NAPG: variants seen among roughly 807,000 people sequenced by gnomAD.
NAPG encodes NSF attachment protein gamma.
In NAPG, 25 loss-of-function variants were observed where a neutral mutation model predicts 48.4. The observed-to-expected ratio is 0.52, with a 90% CI of 0.38 to 0.72. The LOEUF is 0.72. Among genes scored for constraint, NAPG ranks in the 30% least tolerant of loss-of-function variants. The pLI is 0.00. For synonymous variants in NAPG, 139 were observed against 127.2 expected, an observed-to-expected ratio of 1.09 and a Z score of -0.62; for missense variants, 359 against 372.5, an observed-to-expected ratio of 0.96 and a Z score of 0.30.
At chr18:10,530,690 C>A in intron 1 of NAPG, 80 bp from the exon 2 acceptor site, 49 of 717,388 alleles carry the variant, frequency 6.8e-5, no homozygotes, top group South Asian at 1.1e-4. Flanking sequence ...TTTTTAAAGA[C>A]CTAGAAGGTC....
chr18:10,532,794 G>C lies in NAPG; in HGVS notation c.208G>C (p.Ala70Pro). The change falls in exon 3 of 12, where the codon GCT becomes CCT. Residue 70 changes from alanine to proline, a missense_variant and splice_region_variant. Physicochemically the swap from Ala to Pro is conservative, Grantham distance 27 (BLOSUM62 -1). Transcript: ENST00000322897. ...AGCTGTTGCCCATGAAAATAATAGG[G>C]CGTATCTTTTTCAACTTTTAAAAAG... ...REAVAHENNRALFHAAKAYEQ... is the reference protein window; with the variant it reads ...REAVAHENNRPLFHAAKAYEQ... The C allele has an allele frequency of 1.3e-6, 2 of 1,556,898 alleles. No homozygotes were observed. Among genetic ancestry groups the C allele is most frequent in the East Asian group, 4.7e-5 (2 of 42,832 alleles).
In NAPG at chr18:10,539,419, A is replaced by G. The variant is rs181969659; in HGVS notation, c.259-343A>G. ...AAACTAACAAACACAGGAACAGAAA[A>G]CCAAACACCGCATGTTCTCACTCAT... On this transcript the variant is annotated intron_variant, in intron 5 of 11. Coordinates refer to ENST00000322897, the MANE Select transcript of NAPG (RefSeq NM_003826.3). The surrounding 1 kb of genome is among the most constrained non-coding windows in gnomAD (Gnocchi z 4.7). 4.9e-6 allele frequency: 1 copy of G among 204,786 alleles called. No homozygotes were observed. The highest frequency in any genetic ancestry group is 1.2e-4 in the East Asian group (1 of 8,024). The allele number at this position is 204,786 out of a possible 1,614,324, so 12.7% of individuals were successfully genotyped here. A position where few individuals can be genotyped will look rare whatever the true frequency, so the allele number is the denominator to read the frequency against.
intron 1 of NAPG, chr18:10,526,588 A>G (rs2031817075): frequency 5.6e-6 from 1 of 179,598 alleles, no homozygotes; most frequent in Non-Finnish European, 1.2e-5. Flanking sequence ...TCATCTGGGG[A>G]ACAACATCGC....
chr18:10,545,948 G>A (rs632245), intron 8 of NAPG, among the ~76,000 whole-genome samples: 49,341 of 152,084 alleles, frequency 0.32, 8,132 homozygotes, highest in East Asian at 0.39. Context: ...TGCCTTGGGT[G>A]TCTGGATGTT....
chr18:10,539,618 A>G lies in NAPG; in HGVS notation c.259-144A>G, dbSNP rs1319752822. ...TAGGTATAGCAAACCACCATGGGAC[A>G]TGTATACCTATGTAACAAACCTGCA... On this transcript the variant is annotated intron_variant, in intron 5 of 11. Coordinates refer to ENST00000322897, the MANE Select transcript of NAPG (RefSeq NM_003826.3). This position sits in a 1 kb window ranked among gnomAD's most constrained non-coding sequence, Gnocchi z 4.7. 4.5e-6 allele frequency: 3 copies of G among 666,002 alleles called. No individual in the cohort carries two copies. The African/African-American group carries it at 5.4e-5, about 12-fold the overall frequency. The allele number at this position is 666,002 out of a possible 1,614,324, so 41.3% of individuals were successfully genotyped here. A position where few individuals can be genotyped will look rare whatever the true frequency, so the allele number is the denominator to read the frequency against.
intron 5 of NAPG, among the ~76,000 whole-genome samples, chr18:10,538,754 A>T (rs141081231): frequency 8.5e-5 from 13 of 152,308 alleles, no homozygotes; most frequent in Non-Finnish European, 1.6e-4. Context: ...TTATTGCTAT[A>T]CAATGTATTT....
chr18:10,549,084 C>T lies in NAPG; in HGVS notation c.783C>T (p.Tyr261=). ...TCTGCAACTCACCGCTTTTCAAGTA[C>T]ATGGACAATGATGTAAGTGGACCCA... ...SDVCNSPLFK[Y]MDNDYAKLGL... is the part of the protein sequence containing the mutation. Residue 261 remains tyrosine, a synonymous_variant, in exon 11 of 12, where the codon TAC becomes TAT. Coordinates refer to ENST00000322897, the MANE Select transcript of NAPG (RefSeq NM_003826.3). 1.2e-6 allele frequency: 2 copies of T among 1,613,684 alleles called. No homozygotes were observed. Among genetic ancestry groups the T allele is most frequent in the Non-Finnish European group, 1.7e-6 (2 of 1,179,698 alleles).
At position 10,548,865 on chromosome 18, in the gene NAPG, A is replaced by G; in HGVS notation, c.666-102A>G. ...GCATTCCCACACTTTTAAGTACCAA[A>G]ATGTCTCCAGACAGTGTCACATGCC... is the stretch of plus-strand genomic sequence containing the variant. On this transcript the variant is annotated intron_variant, in intron 10 of 11. Coordinates refer to ENST00000322897, the MANE Select transcript of NAPG (RefSeq NM_003826.3). The surrounding 1 kb of genome is among the most constrained non-coding windows in gnomAD (Gnocchi z 4.4). 1 of 1,425,794 alleles carries G rather than the reference A, an allele frequency of 7.0e-7. No individual in the cohort carries two copies. The highest frequency in any genetic ancestry group is 9.4e-7 in the Non-Finnish European group (1 of 1,063,870). The allele number at this position is 1,425,794 out of a possible 1,614,324, so 88.3% of individuals were successfully genotyped here.
Position 10,548,918 on chromosome 18 carries a change from G to A in NAPG, c.666-49G>A. On this transcript the variant is annotated intron_variant, in intron 10 of 11. Coordinates refer to ENST00000322897, the MANE Select transcript of NAPG (RefSeq NM_003826.3). This position sits in a 1 kb window ranked among gnomAD's most constrained non-coding sequence, Gnocchi z 4.4. ...GGGCAGAATCATCCCTGCCTGAGAT[G>A]TGTTCTTTTAAGGAGAAGGTGAAGA... 1.3e-6 allele frequency: 2 copies of A among 1,593,148 alleles called. No individual in the cohort carries two copies. The highest frequency in any genetic ancestry group is 8.6e-7 in the Non-Finnish European group (1 of 1,165,812).
At chr18:10,529,711 C>T (rs563533709) in intron 1 of NAPG, among the ~76,000 whole-genome samples, 2 of 152,288 alleles carry the variant, frequency 1.3e-5, no homozygotes, top group South Asian at 4.1e-4. Flanking sequence ...CGAGATAATA[C>T]CACTGCACTC....
chr18:10,535,938 G>A (rs1470118162), intron 5 of NAPG, among the ~76,000 whole-genome samples: 2 of 152,084 alleles, frequency 1.3e-5, no homozygotes, highest in Non-Finnish European at 2.9e-5. Flanking sequence ...TTTCTCTTAC[G>A]GCCAAAGAAG....
In NAPG at chr18:10,546,506, T is replaced by G; in HGVS notation, c.585+102T>G. 3.1e-6 allele frequency: 2 copies of G among 650,960 alleles called. No individual in the cohort carries two copies. The highest frequency in any genetic ancestry group is 4.9e-6 in the Non-Finnish European group (2 of 406,856). The allele number at this position is 650,960 out of a possible 1,614,324, so 40.3% of individuals were successfully genotyped here. A position where few individuals can be genotyped will look rare whatever the true frequency, so the allele number is the denominator to read the frequency against. On this transcript the variant is annotated intron_variant, in intron 9 of 11. Transcript: ENST00000322897. This position sits in a 1 kb window ranked among gnomAD's most constrained non-coding sequence, Gnocchi z 4.0. Reference sequence around the variant, plus strand: ...GGATTCTATGGGTATTTCTATGTTTTTGTAAAATAATACTTCATGGGCCTC... The same window carrying G: ...GGATTCTATGGGTATTTCTATGTTTGTGTAAAATAATACTTCATGGGCCTC...
At position 10,546,344 on chromosome 18, in the gene NAPG, C is replaced by G; in HGVS notation, c.525C>G (p.Leu175=). The G allele has an allele frequency of 2.5e-6, 4 of 1,582,350 alleles. No individual in the cohort carries two copies. The highest frequency in any genetic ancestry group is 1.7e-4 in the Middle Eastern group (1 of 6,008). The change falls in exon 9 of 12, where the codon CTC becomes CTG. Residue 175 remains leucine, a synonymous_variant. Coordinates refer to ENST00000322897, the MANE Select transcript of NAPG (RefSeq NM_003826.3). This position sits in a 1 kb window ranked among gnomAD's most constrained non-coding sequence, Gnocchi z 4.0. ...VRGRRFDEAA[L]SIQKEKNIYK... ...GTTTTAGGTTTGATGAGGCGGCACT[C>G]TCTATTCAGAAAGAAAAAAATATTT...
rs141194219 is a variant in NAPG, at chr18:10,526,237, G to A, written c.56+79G>A. The stretch of plus-strand genomic sequence containing the variant: ...TGGCGCGGCCTTAGCACCCGGGGGG[G>A]GCGGGAGGGAGGGCTCAGGGCTGAG... On this transcript the variant is annotated intron_variant, in intron 1 of 11. Transcript: ENST00000322897. The A allele has an allele frequency of 6.8e-6, 6 of 878,376 alleles. 1 individual carries two copies. Among genetic ancestry groups the A allele is most frequent in the Non-Finnish European group, 1.1e-5 (6 of 542,564 alleles). 54.4% of individuals were successfully genotyped at this position (878,376 alleles called of 1,614,324 possible).
At chr18:10,527,276 C>A (rs539094662) in intron 1 of NAPG, among the ~76,000 whole-genome samples, 199 of 151,900 alleles carry the variant, frequency 1.3e-3, no homozygotes, top group Non-Finnish European at 2.2e-3. Context: ...CTGAGATCTT[C>A]ACAATAACTT....
Position 10,542,613 on chromosome 18 carries a change from A to G in NAPG, c.506+2214A>G, listed in dbSNP as rs2032178643. Among the ~76,000 whole-genome samples, 1 of 152,236 alleles carries G rather than the reference A, an allele frequency of 6.6e-6. No homozygotes were observed. Among genetic ancestry groups the G allele is most frequent in the Admixed American group, 6.5e-5 (1 of 15,290 alleles). ...CAGGTGGTAATTTTATGCTTCACACAAGCAACATCTACTAATAGACTGTGT... is the reference window on the plus strand; with the variant it reads ...CAGGTGGTAATTTTATGCTTCACACGAGCAACATCTACTAATAGACTGTGT... On this transcript the variant is annotated intron_variant, in intron 8 of 11. Coordinates refer to ENST00000322897, the MANE Select transcript of NAPG (RefSeq NM_003826.3). The surrounding 1 kb of genome is among the most constrained non-coding windows in gnomAD (Gnocchi z 4.5).
chr18:10,535,508 C>T (rs1295695132), intron 5 of NAPG, among the ~76,000 whole-genome samples: 1 of 152,168 alleles, frequency 6.6e-6, no homozygotes, highest in Non-Finnish European at 1.5e-5. Context: ...TGCCTGTAAT[C>T]CCAGCACTTT....
At chr18:10,528,535 A>G (rs968930919) in intron 1 of NAPG, among the ~76,000 whole-genome samples, 3 of 152,244 alleles carry the variant, frequency 2.0e-5, no homozygotes, top group Non-Finnish European at 4.4e-5. Context: ...CAGACATGTT[A>G]GTGGGTTGTC....
At chr18:10,529,171 G>A (rs969065289) in intron 1 of NAPG, among the ~76,000 whole-genome samples, 5 of 152,124 alleles carry the variant, frequency 3.3e-5, no homozygotes. Flanking sequence ...ATTAGGTGAC[G>A]GAGTGATTGT....
Sources: gnomAD v4.1 joint callset for allele counts (sites outside exome capture counted in the v4.1 genomes callset) on GRCh38, gnomAD v4.1.1 for gene constraint, Gnocchi (gnomAD v3.1) non-coding constraint, MANE v1.5 for transcripts, NCBI Gene and HGNC (gene_info 2026-07-23, HGNC 2026-07-21) for gene names.